FAM81A: variants seen among roughly 807,000 people sequenced by gnomAD.
FAM81A encodes the protein family with sequence similarity 81 member A.
Under a neutral mutation model 46.7 loss-of-function variants are expected in FAM81A, and 19 were observed. The observed-to-expected ratio is 0.41, with a 90% CI of 0.28 to 0.60. FAM81A has a LOEUF of 0.60. FAM81A is among the 20% of genes least tolerant of loss of function. The pLI, the probability that FAM81A is intolerant of heterozygous loss-of-function variation, is 0.34. For missense variants in FAM81A, 377 were observed against 453.5 expected (o/e 0.83, Z 1.53); for synonymous variants, 183 against 152.9 (o/e 1.20, Z -1.45).
Position 59,459,967 on chromosome 15 carries a change from C to T in FAM81A, c.55C>T (p.Leu19=), listed in dbSNP as rs749943675. The T allele has an allele frequency of 1.9e-6, 3 of 1,610,750 alleles. No individual in the cohort carries two copies. In the Admixed American group the frequency reaches 5.1e-5, roughly 27 times the overall value. Residue 19 remains leucine, a synonymous_variant, in exon 3 of 9, where the codon CTG becomes TTG. Transcript: ENST00000288228. ...AACCATGCCCCGACACAGCCAGTCC[C>T]TGACCATGGCACCATACTCATCTGT... ...VRTMPRHSQS[L]TMAPYSSVSL... is the part of the protein sequence containing the mutation.
Position 59,511,049 on chromosome 15 carries a change from T to G in FAM81A, c.650+2080T>G, listed in dbSNP as rs537343803. 2.0e-5 allele frequency among the ~76,000 whole-genome samples: 3 copies of G among 151,978 alleles called. No homozygotes were observed. The South Asian group carries it at 6.2e-4, about 32-fold the overall frequency. On this transcript the variant is annotated intron_variant, in intron 6 of 8. Transcript: ENST00000288228. ...AGGTGGAGGTTGCAATGAGCCGAAA[T>G]CATGCCACTGCACTCCAGCCTGGGC...
chr15:59,474,082 C>A (rs1417482797), intron 3 of FAM81A, among the ~76,000 whole-genome samples: 2 of 152,186 alleles, frequency 1.3e-5, no homozygotes, highest in Non-Finnish European at 2.9e-5. Flanking sequence ...CTCATGCCCC[C>A]AGTTTCCTTT....
Position 59,521,489 on chromosome 15 carries a change from A to C in FAM81A, c.*111A>C. 1 of 1,300,864 alleles carries C rather than the reference A, an allele frequency of 7.7e-7. No individual in the cohort carries two copies. The highest frequency in any genetic ancestry group is 1.0e-6 in the Non-Finnish European group (1 of 983,070). 80.6% of individuals were successfully genotyped at this position (1,300,864 alleles called of 1,614,324 possible). On this transcript the variant is annotated 3_prime_UTR_variant, in exon 9 of 9. Transcript: ENST00000288228. ...CAGGATTGTTCCATCCATGGCGTGC[A>C]TGTGCCAAGAAATGTGTTTTTATGG...
At chr15:59,398,908 G>A (rs2081058677) in intron 1 of FAM81A, among the ~76,000 whole-genome samples, 1 of 151,620 alleles carries the variant, frequency 6.6e-6, no homozygotes, top group African/African-American at 2.4e-5. Flanking sequence ...GATGGCTCAC[G>A]CCTGTAATCC....
At chr15:59,497,134 G>C (rs1488365709) in intron 4 of FAM81A, among the ~76,000 whole-genome samples, 1 of 146,666 alleles carries the variant, frequency 6.8e-6, no homozygotes, top group African/African-American at 2.5e-5. Flanking sequence ...TAAAAAAGAA[G>C]AAGAAGAAGA....
At chr15:59,451,328 G>A (rs2081415983) in intron 1 of FAM81A, among the ~76,000 whole-genome samples, 1 of 152,150 alleles carries the variant, frequency 6.6e-6, no homozygotes, top group South Asian at 2.1e-4. Flanking sequence ...ATGGACTCAG[G>A]GCAAGGAGTG....
chr15:59,450,706 A>C (rs1291691032), intron 1 of FAM81A, among the ~76,000 whole-genome samples: 1 of 152,244 alleles, frequency 6.6e-6, no homozygotes, highest in Non-Finnish European at 1.5e-5. Flanking sequence ...TAAGAACAAC[A>C]ACAACAAAAC....
At chr15:59,446,079 A>G (rs1270426677) in intron 1 of FAM81A, among the ~76,000 whole-genome samples, 2 of 152,212 alleles carry the variant, frequency 1.3e-5, no homozygotes, top group Non-Finnish European at 1.5e-5. Context: ...TAGAAAAACA[A>G]AAAGGTGAAT....
intron 7 of FAM81A, among the ~76,000 whole-genome samples, chr15:59,516,201 A>G (rs2082264833): frequency 6.8e-6 from 1 of 147,710 alleles, no homozygotes; most frequent in Non-Finnish European, 1.5e-5. Flanking sequence ...ATCTTGGCTC[A>G]CTGCAACCTC....
rs758034020 is a variant in FAM81A, at chr15:59,492,303, C to G, written c.327C>G (p.Asn109Lys). The change falls in exon 4 of 9, where the codon AAC (asparagine) becomes AAG (lysine). Residue 109 changes from asparagine to lysine, a missense_variant. By Grantham distance (94) the Asn-to-Lys change is moderately conservative. Transcript: ENST00000288228. Reference sequence around the variant, plus strand: ...AGGAGCAGATTCGTGCCCGGGACAACATTAGCTATGGAACTAATTCTGCCT... The same window carrying G: ...AGGAGCAGATTCGTGCCCGGGACAAGATTAGCTATGGAACTAATTCTGCCT... ...VLQEQIRARD[N>K]ISYGTNSALK... 3 of 1,613,708 alleles carry G rather than the reference C, an allele frequency of 1.9e-6. No individual in the cohort carries two copies. The highest frequency in any genetic ancestry group is 2.5e-6 in the Non-Finnish European group (3 of 1,179,750).
chr15:59,512,081 A>G (rs1191721079), intron 6 of FAM81A, among the ~76,000 whole-genome samples: 12 of 152,264 alleles, frequency 7.9e-5, no homozygotes, highest in African/African-American at 2.9e-4. Flanking sequence ...TGAATTCACT[A>G]CAGCTATACA....
intron 1 of FAM81A, among the ~76,000 whole-genome samples, chr15:59,441,371 C>T (rs1305369079): frequency 2.0e-5 from 3 of 152,200 alleles, no homozygotes; most frequent in Non-Finnish European, 2.9e-5. Flanking sequence ...AGTCACTGCC[C>T]ACATGTGGCT....
intron 4 of FAM81A, among the ~76,000 whole-genome samples, chr15:59,498,735 C>G (rs950081512): frequency 3.9e-5 from 6 of 152,176 alleles, no homozygotes; most frequent in Non-Finnish European, 5.9e-5. Context: ...CTCACTGCCC[C>G]CTCCGCCCCT....
chr15:59,398,759 GA>G (rs71119468), intron 1 of FAM81A, among the ~76,000 whole-genome samples: 857 of 41,328 alleles, frequency 0.021, no homozygotes, highest in Non-Finnish European at 0.025. Context: ...CTCTGTCTCA[GA>G]AAAAAAAAAA....
At chr15:59,445,954 AG>A (rs1567046427) in intron 1 of FAM81A, among the ~76,000 whole-genome samples, 1 of 152,220 alleles carries the variant, frequency 6.6e-6, no homozygotes, top group Non-Finnish European at 1.5e-5. Flanking sequence ...GGCCCACTGC[AG>A]GGTGACCTCC....
At chr15:59,435,554 A>G (rs2081239636), upstream of FAM81A, among the ~76,000 whole-genome samples, 1 of 152,202 alleles carries the variant, frequency 6.6e-6, no homozygotes, top group African/African-American at 2.4e-5. Flanking sequence ...CAGGAGGCAG[A>G]GGTTGCAGTG....
intron 3 of FAM81A, among the ~76,000 whole-genome samples, chr15:59,477,667 C>T (rs1002411092): frequency 1.3e-5 from 2 of 152,210 alleles, no homozygotes; most frequent in Non-Finnish European, 2.9e-5. Context: ...ATGTCTAAGA[C>T]ATAGTAGGAG....
chr15:59,476,591 G>C (rs1359761196), intron 3 of FAM81A, among the ~76,000 whole-genome samples: 2 of 152,192 alleles, frequency 1.3e-5, no homozygotes, highest in Non-Finnish European at 2.9e-5. Flanking sequence ...TTCGAGACCA[G>C]CCTGGCCAAC....
At chr15:59,503,477 CAT>C (rs1490034105) in intron 4 of FAM81A, among the ~76,000 whole-genome samples, 7 of 151,930 alleles carry the variant, frequency 4.6e-5, no homozygotes, top group Admixed American at 1.3e-4. Context: ...TTCCACATAA[CAT>C]GTGGACACTT....
Sources: allele counts gnomAD v4.1 joint callset (sites outside exome capture counted in the v4.1 genomes callset), GRCh38; gene constraint gnomAD v4.1.1; transcripts MANE v1.5; gene names NCBI Gene and HGNC (gene_info 2026-07-23, HGNC 2026-07-21).